The following DENND6A variants were observed in gnomAD, a reference collection of about 807,000 sequenced individuals.
DENND6A encodes the protein protein DENND6A.
A neutral mutation model predicts 95.5 loss-of-function variants in DENND6A; 43 were observed. The observed-to-expected ratio is 0.45, with a 90% CI of 0.35 to 0.58. The LOEUF (loss-of-function observed/expected upper bound fraction) is 0.58, where lower values mean the gene tolerates loss of function less well. Among genes scored for constraint, DENND6A ranks in the 20% least tolerant of loss-of-function variants. The pLI, the probability that DENND6A is intolerant of heterozygous loss-of-function variation, is 0.00. For synonymous variants in DENND6A, 257 were observed against 260.4 expected (o/e 0.99, Z 0.13); for missense variants, 574 against 736.0 (o/e 0.78, Z 2.55).
intron 1 of DENND6A, among the ~76,000 whole-genome samples, chr3:57,673,820 C>A (rs1005755639): frequency 6.6e-6 from 1 of 152,140 alleles, no homozygotes; most frequent in African/African-American, 2.4e-5. Flanking sequence ...TCTTGGCTTA[C>A]TGTAACCTCC....
At chr3:57,644,401 G>A (rs1559810684) in intron 11 of DENND6A, among the ~76,000 whole-genome samples, 1 of 151,682 alleles carries the variant, frequency 6.6e-6, no homozygotes, top group Non-Finnish European at 1.5e-5. Context: ...TGCCTCCTAG[G>A]CTCAAGCCAT....
chr3:57,661,977 T>C (rs2071430815), intron 5 of DENND6A, among the ~76,000 whole-genome samples: 3 of 152,088 alleles, frequency 2.0e-5, no homozygotes, highest in South Asian at 2.1e-4. Flanking sequence ...TAGTTGGAAA[T>C]TGTAACCTTA....
intron 12 of DENND6A, among the ~76,000 whole-genome samples, chr3:57,639,573 A>G (rs2070879092): frequency 6.6e-6 from 1 of 152,226 alleles, no homozygotes; most frequent in Non-Finnish European, 1.5e-5. Flanking sequence ...CTCATATCCA[A>G]GACTCTAGCA....
At chr3:57,690,674 ACT>A (rs1322652291) in intron 1 of DENND6A, among the ~76,000 whole-genome samples, 3 of 144,216 alleles carry the variant, frequency 2.1e-5, no homozygotes, top group Non-Finnish European at 4.6e-5. Flanking sequence ...ACAAAGTTAG[ACT>A]CTGTCTTTAA....
At chr3:57,670,024 A>G (rs1301434933) in intron 3 of DENND6A, among the ~76,000 whole-genome samples, 1 of 149,764 alleles carries the variant, frequency 6.7e-6, no homozygotes, top group East Asian at 1.9e-4. Context: ...CATCTCAAAA[A>G]AAAAAAAAAA....
intron 1 of DENND6A, among the ~76,000 whole-genome samples, chr3:57,684,185 G>C (rs999112668): frequency 2.0e-4 from 28 of 141,062 alleles, no homozygotes; most frequent in South Asian, 9.2e-4. Context: ...TTATGGGCCA[G>C]GCACGGTGGC....
chr3:57,660,829 A>T lies in DENND6A; in HGVS notation c.630T>A (p.Asp210Glu). Residue 210 changes from aspartate (D) to glutamate (E), a missense_variant, in exon 7 of 20, where the codon GAT (aspartate) becomes GAA (glutamate). By Grantham distance (45) the Asp-to-Glu change is conservative. Transcript: ENST00000311128. ...GCACTGGGGCAGGCCATCGATCAAC[A>T]TCATTACAAGCTGAAAAATATAATA... Reference protein sequence around the residue: ...NEPYLEAACNDVDRWPAPVPG... With the variant: ...NEPYLEAACNEVDRWPAPVPG... 1 of 1,601,124 alleles carries T rather than the reference A, an allele frequency of 6.2e-7. No individual in the cohort carries two copies. The highest frequency in any genetic ancestry group is 8.5e-7 in the Non-Finnish European group (1 of 1,174,852).
chr3:57,660,964 A>C (rs2071412836), intron 6 of DENND6A, 125 bp from the exon 7 acceptor site: 1 of 803,824 alleles, frequency 1.2e-6, no homozygotes, highest in African/African-American at 1.8e-5. Flanking sequence ...AGAATGAGAG[A>C]TAAAAGGCAA....
intron 7 of DENND6A, among the ~76,000 whole-genome samples, chr3:57,660,451 C>A (rs774154510): frequency 1.3e-5 from 2 of 152,120 alleles, no homozygotes; most frequent in Admixed American, 1.3e-4. Flanking sequence ...AAAGTGCTCA[C>A]AGGTGTGATC....
intron 1 of DENND6A, among the ~76,000 whole-genome samples, chr3:57,674,491 C>T (rs754591859): frequency 1.3e-5 from 2 of 151,752 alleles, no homozygotes; most frequent in Admixed American, 6.6e-5. Flanking sequence ...ATTAGCTGAA[C>T]ATGGTGGTAC....
chr3:57,686,510 G>A (rs1306519556), intron 1 of DENND6A, among the ~76,000 whole-genome samples: 1 of 152,046 alleles, frequency 6.6e-6, no homozygotes, highest in Non-Finnish European at 1.5e-5. Flanking sequence ...CAGGTTTGTG[G>A]CAAGCCTACA....
At chr3:57,636,349 G>C (rs1348474467) in intron 12 of DENND6A, among the ~76,000 whole-genome samples, 2 of 152,114 alleles carry the variant, frequency 1.3e-5, no homozygotes, top group Non-Finnish European at 2.9e-5. Flanking sequence ...ACAGATACTT[G>C]TTAAAAAAGC....
intron 3 of DENND6A, among the ~76,000 whole-genome samples, chr3:57,669,238 A>G (rs746439471): frequency 6.6e-6 from 1 of 152,160 alleles, no homozygotes; most frequent in Non-Finnish European, 1.5e-5. Context: ...TGAAAATAGC[A>G]ATTTCAAATA....
chr3:57,635,880 T>G (rs1423073735), intron 12 of DENND6A, among the ~76,000 whole-genome samples: 1 of 152,188 alleles, frequency 6.6e-6, no homozygotes, highest in East Asian at 1.9e-4. Flanking sequence ...GACCATTCCC[T>G]CCTCTTCCTC....
Position 57,666,225 on chromosome 3 carries a change from T to TC in DENND6A, c.329dup (p.Asp111ArgfsTer7), listed in dbSNP as rs777160746. The TC allele has an allele frequency of 6.2e-7, 1 of 1,611,894 alleles. No individual in the cohort carries two copies. The highest frequency in any genetic ancestry group is 1.1e-5 in the South Asian group (1 of 90,850). ...GAAATCTAAAACAAAACTGGGTATC[T>TC]CCAAGACAACCTAATGAAAATAAAA... On this transcript the variant is annotated frameshift_variant, in exon 4 of 20. Coordinates refer to ENST00000311128, the MANE Select transcript of DENND6A (RefSeq NM_152678.3). LOFTEE classifies it high-confidence loss of function.
intron 11 of DENND6A, among the ~76,000 whole-genome samples, chr3:57,644,807 A>C: frequency 1.6e-4 from 1 of 6,426 alleles, no homozygotes; most frequent in East Asian, 5.2e-3. Context: ...AGGGGTGGGG[A>C]GGGGAGGGGA....
Position 57,659,195 on chromosome 3 carries a change from G to A in DENND6A, c.700-15C>T, listed in dbSNP as rs1490435972. The A allele has an allele frequency of 9.9e-6, 16 of 1,613,462 alleles. No homozygotes were observed. The highest frequency in any genetic ancestry group is 1.3e-5 in the Non-Finnish European group (15 of 1,179,676). On this transcript the variant is annotated splice_polypyrimidine_tract_variant and intron_variant, in intron 7 of 19. Coordinates refer to ENST00000311128, the MANE Select transcript of DENND6A (RefSeq NM_152678.3). Reference sequence around the variant, plus strand: ...GGAATCCGTACCTAAAAGAAAGACAGGAAATTATTTTTGGTTATAAAAGAA... The same window carrying A: ...GGAATCCGTACCTAAAAGAAAGACAAGAAATTATTTTTGGTTATAAAAGAA...
intron 12 of DENND6A, among the ~76,000 whole-genome samples, chr3:57,639,245 T>C (rs1051110901): frequency 2.6e-5 from 4 of 152,180 alleles, no homozygotes; most frequent in Non-Finnish European, 5.9e-5. Context: ...AGAATGGCCA[T>C]AATGAAAATG....
chr3:57,691,022 A>C (rs2077259684), intron 1 of DENND6A, among the ~76,000 whole-genome samples: 1 of 152,244 alleles, frequency 6.6e-6, no homozygotes, highest in Non-Finnish European at 1.5e-5. Context: ...ATTCAAAATA[A>C]GTCCTTTAAT....
Sources: allele counts gnomAD v4.1 joint callset (sites outside exome capture counted in the v4.1 genomes callset), GRCh38; gene constraint gnomAD v4.1.1; transcripts MANE v1.5; gene names NCBI Gene and HGNC (gene_info 2026-07-23, HGNC 2026-07-21).